The following DOK4 variants were observed in gnomAD, a reference collection of about 807,000 sequenced individuals.
The protein encoded by DOK4 is downstream of tyrosine kinase 4.
In DOK4, 26 loss-of-function variants were observed where a neutral mutation model predicts 40.1. That is an observed-to-expected ratio of 0.65 (90% confidence interval 0.48 to 0.90). The LOEUF is 0.90. Among genes scored for constraint, DOK4 ranks in the 40% least tolerant of loss-of-function variants. DOK4 has a pLI of 0.00. For synonymous variants in DOK4, 179 were observed against 177.0 expected (o/e 1.01, Z -0.09); for missense variants, 392 against 437.2 (o/e 0.90, Z 0.92).
chr16:57,480,128 A>AG (rs2031361241), intron 1 of DOK4, among the ~76,000 whole-genome samples: 1 of 152,170 alleles, frequency 6.6e-6, no homozygotes. Flanking sequence ...AAGAGCTCCC[A>AG]GGGGTAGCAG....
chr16:57,481,287 C>G lies in DOK4; in HGVS notation c.-181-1599G>C, dbSNP rs142432538. Among the ~76,000 whole-genome samples, 46 of 152,274 alleles carry G rather than the reference C, an allele frequency of 3.0e-4. No individual in the cohort carries two copies. In the East Asian group the frequency reaches 8.7e-3, roughly 29 times the overall value. ...GGGAGGGGCAGAGACGGTAATGCGC[C>G]CCTATCCCACTTGCACCCTGATAGC... is the stretch of plus-strand genomic sequence containing the variant. On this transcript the variant is annotated intron_variant, in intron 1 of 8. Transcript: ENST00000340099.
intron 1 of DOK4, among the ~76,000 whole-genome samples, chr16:57,482,986 T>C (rs139610411): frequency 1.3e-5 from 2 of 152,238 alleles, no homozygotes; most frequent in African/African-American, 4.8e-5. Context: ...CCCCGTCCCA[T>C]ACCCCAGGTC....
intron 1 of DOK4, chr16:57,481,853 C>T (rs564173389): frequency 6.6e-6 from 1 of 150,740 alleles, no homozygotes; most frequent in African/African-American, 2.4e-5. Flanking sequence ...CACAGAGCTT[C>T]TACCCTTTTT....
In DOK4 at chr16:57,475,716, C is replaced by T. The variant is rs1246337022; in HGVS notation, c.175-96G>A. 21 of 739,108 alleles carry T rather than the reference C, an allele frequency of 2.8e-5. No individual in the cohort carries two copies. The Middle Eastern group carries it at 2.0e-3, about 69-fold the overall frequency. 45.8% of individuals were successfully genotyped at this position (739,108 alleles called of 1,614,324 possible). ...TCTCTCCCTCCCTCCCTCTCTCCCCCCTCCTCCTTCTCTCTCCTCCTCTCC... is the reference window on the plus strand; with the variant it reads ...TCTCTCCCTCCCTCCCTCTCTCCCCTCTCCTCCTTCTCTCTCCTCCTCTCC... On this transcript the variant is annotated intron_variant, in intron 3 of 8. Transcript: ENST00000340099.
At chr16:57,475,319 G>A in intron 4 of DOK4, 100 bp from the exon 5 acceptor site, 1 of 1,543,290 alleles carries the variant, frequency 6.5e-7, no homozygotes, top group Non-Finnish European at 8.7e-7. Context: ...GGAGGGTAAG[G>A]ACAGTGGGTT....
At chr16:57,481,787 C>A (rs1412583574) in intron 1 of DOK4, 3 of 152,256 alleles carry the variant, frequency 2.0e-5, no homozygotes, top group Non-Finnish European at 4.4e-5. Flanking sequence ...GAGAATAAAT[C>A]TACCTACTTT....
Position 57,474,013 on chromosome 16 carries a change from T to TA in DOK4, c.625dup (p.Tyr209LeufsTer81). 1 of 1,614,102 alleles carries TA rather than the reference T, an allele frequency of 6.2e-7. No individual in the cohort carries two copies. The highest frequency in any genetic ancestry group is 8.5e-7 in the Non-Finnish European group (1 of 1,180,014). ...CTCCCCCTCTTGTGTCTGGAAGGTA[T>TA]AGAGTCCTTCCCCAGCATCACACAT... On this transcript the variant is annotated frameshift_variant, in exon 7 of 9. Coordinates refer to ENST00000340099, the Ensembl canonical transcript of DOK4. LOFTEE classifies it high-confidence loss of function.
At position 57,479,113 on chromosome 16, in the gene DOK4, G is replaced by C. The variant is rs577688771; in HGVS notation, c.66+329C>G. 6.6e-6 allele frequency among the ~76,000 whole-genome samples: 1 copy of C among 152,332 alleles called. No homozygotes were observed. The highest frequency in any genetic ancestry group is 6.5e-5 in the Admixed American group (1 of 15,308). On this transcript the variant is annotated intron_variant, in intron 2 of 8. Transcript: ENST00000340099. This position sits in a 1 kb window ranked among gnomAD's most constrained non-coding sequence, Gnocchi z 5.8. Reference sequence around the variant, plus strand: ...GCTCAGACACAGCCCGGCCTTGCCAGCCGCCCCTGCTGCTGCTGTGGTGAC... The same window carrying C: ...GCTCAGACACAGCCCGGCCTTGCCACCCGCCCCTGCTGCTGCTGTGGTGAC...
chr16:57,485,582 G>A lies in DOK4; in HGVS notation c.-182+723C>T, dbSNP rs2031519238. On this transcript the variant is annotated intron_variant, in intron 1 of 8. Transcript: ENST00000340099. The surrounding 1 kb of genome is among the most constrained non-coding windows in gnomAD (Gnocchi z 4.3). ...TCCAACCCACACCCTCCATCCAAGC[G>A]GAAGCGCCCCAGCAACTGACGTGTC... Among the ~76,000 whole-genome samples, 1 of 152,208 alleles carries A rather than the reference G, an allele frequency of 6.6e-6. No individual in the cohort carries two copies. Among genetic ancestry groups the A allele is most frequent in the Non-Finnish European group, 1.5e-5 (1 of 68,038 alleles).
chr16:57,481,159 T>A (rs1466506945), intron 1 of DOK4, among the ~76,000 whole-genome samples: 1 of 152,196 alleles, frequency 6.6e-6, no homozygotes, highest in East Asian at 1.9e-4. Flanking sequence ...CATTAATTAA[T>A]GTCCTGGAGG....
chr16:57,475,777 C>CCTCTCTCCCT, intron 3 of DOK4, 73 bp downstream of exon 3: 1 of 1,315,660 alleles, frequency 7.6e-7, no homozygotes, highest in Non-Finnish European at 1.1e-6. Context: ...CCCTCTCTCC[C>CCTCTCTCCCT]CTCTCTCCCT....
intron 2 of DOK4, among the ~76,000 whole-genome samples, chr16:57,478,375 C>T (rs1302097159): frequency 1.4e-5 from 2 of 148,016 alleles, no homozygotes; most frequent in Admixed American, 6.7e-5. Flanking sequence ...CCCCCAACCC[C>T]ACTCAGGCTG....
At chr16:57,486,722 C>T (rs143648326), upstream of DOK4, among the ~76,000 whole-genome samples, 1,629 of 152,098 alleles carry the variant, frequency 0.011, 29 homozygotes, top group African/African-American at 0.037. Flanking sequence ...AAGCTGAACT[C>T]CACATCAGCT....
chr16:57,479,945 C>T lies in DOK4; in HGVS notation c.-181-257G>A. 6.2e-6 allele frequency: 1 copy of T among 160,144 alleles called. No homozygotes were observed. The highest frequency in any genetic ancestry group is 2.4e-5 in the African/African-American group (1 of 41,760). 9.9% of individuals were successfully genotyped at this position (160,144 alleles called of 1,614,324 possible). A position where few individuals can be genotyped will look rare whatever the true frequency, so the allele number is the denominator to read the frequency against. On this transcript the variant is annotated intron_variant, in intron 1 of 8. Coordinates refer to ENST00000340099, the Ensembl canonical transcript of DOK4. The surrounding 1 kb of genome is among the most constrained non-coding windows in gnomAD (Gnocchi z 5.8). ...CCTCACGGCTGGGGCTGGCAGTTAA[C>T]CCCTTCCTGGGAGGACTGGCTCTGG...
chr16:57,477,208 T>C (rs1330596500), intron 2 of DOK4, among the ~76,000 whole-genome samples: 2 of 152,108 alleles, frequency 1.3e-5, no homozygotes, highest in Non-Finnish European at 2.9e-5. Flanking sequence ...CAGGGTGCAG[T>C]GGCCCTAGGC....
chr16:57,477,774 C>T (rs572781728), intron 2 of DOK4, among the ~76,000 whole-genome samples: 2 of 152,346 alleles, frequency 1.3e-5, no homozygotes, highest in East Asian at 3.9e-4. Flanking sequence ...CCCCTCCCCC[C>T]TCACCTCTGT....
intron 2 of DOK4, among the ~76,000 whole-genome samples, chr16:57,477,101 C>T (rs568699295): frequency 6.6e-5 from 10 of 152,328 alleles, no homozygotes; most frequent in South Asian, 2.1e-4. Context: ...GAGTGGTGGC[C>T]GAGAGCACAG....
chr16:57,478,080 G>A (rs947658030), intron 2 of DOK4, among the ~76,000 whole-genome samples: 2 of 152,350 alleles, frequency 1.3e-5, no homozygotes, highest in Admixed American at 6.5e-5. Flanking sequence ...CCATAGGAAT[G>A]AGAAGTGATG....
exon 7 of DOK4, chr16:57,473,935 T>C (rs1598048812): frequency 6.4e-7 from 1 of 1,571,746 alleles, no homozygotes; most frequent in East Asian, 2.3e-5. Flanking sequence ...CAGGACCCGC[T>C]TGTGCTGCTC....
Sources: gnomAD v4.1 joint callset for allele counts (sites outside exome capture counted in the v4.1 genomes callset) on GRCh38, gnomAD v4.1.1 for gene constraint, Gnocchi (gnomAD v3.1) non-coding constraint, MANE v1.5 for transcripts, NCBI Gene and HGNC (gene_info 2026-07-23, HGNC 2026-07-21) for gene names.